The following MAGI2 variants were observed in gnomAD, a reference collection of about 807,000 sequenced individuals.
MAGI2 encodes membrane-associated guanylate kinase, WW and PDZ domain-containing protein 2.
In MAGI2, 35 loss-of-function variants were observed where a neutral mutation model predicts 133.3. The ratio of observed to expected loss-of-function variants is 0.26; its 90% CI spans 0.20 to 0.35. The LOEUF is 0.35. Among genes scored for constraint, MAGI2 ranks in the 10% least tolerant of loss-of-function variants. MAGI2 has a pLI of 1.00. For missense variants in MAGI2, 1,636 were observed against 1,863.4 expected (o/e 0.88, Z 2.25); for synonymous variants, 729 against 710.6 (o/e 1.03, Z -0.41).
intron 2 of MAGI2, among the ~76,000 whole-genome samples, chr7:78,698,789 G>A (rs1269380758): frequency 6.6e-6 from 1 of 152,032 alleles, no homozygotes; most frequent in Non-Finnish European, 1.5e-5. Flanking sequence ...AAAGCGGAGG[G>A]AAAGCCCCTT....
At chr7:78,707,078 G>A (rs1170216069) in intron 2 of MAGI2, among the ~76,000 whole-genome samples, 1 of 152,020 alleles carries the variant, frequency 6.6e-6, no homozygotes, top group African/African-American at 2.4e-5. Context: ...ACCCCCACCT[G>A]TATCTGAATG....
intron 1 of MAGI2, among the ~76,000 whole-genome samples, chr7:79,137,111 G>T (rs1370963492): frequency 6.6e-6 from 1 of 152,058 alleles, no homozygotes; most frequent in East Asian, 1.9e-4. Context: ...CTTGACTGAG[G>T]CTGGGGTGGC....
intron 1 of MAGI2, among the ~76,000 whole-genome samples, chr7:79,376,030 C>CT (rs375533953): frequency 1.1e-4 from 16 of 151,444 alleles, no homozygotes; most frequent in African/African-American, 3.9e-4. Context: ...TAGGAAAAAC[C>CT]TTTTTTCATT....
chr7:78,427,595 C>A (rs1479546601), intron 6 of MAGI2, among the ~76,000 whole-genome samples: 8 of 127,252 alleles, frequency 6.3e-5, no homozygotes, highest in African/African-American at 2.1e-4. Flanking sequence ...CAAAAATAGA[C>A]AAATGTATAA....
At chr7:79,147,598 C>G (rs1250869247) in intron 1 of MAGI2, among the ~76,000 whole-genome samples, 2 of 152,218 alleles carry the variant, frequency 1.3e-5, no homozygotes, top group Non-Finnish European at 2.9e-5. Context: ...ATGTCCACCC[C>G]AGGGCCCAGA....
At chr7:79,283,140 C>A (rs558533300) in intron 1 of MAGI2, among the ~76,000 whole-genome samples, 2 of 152,118 alleles carry the variant, frequency 1.3e-5, no homozygotes, top group South Asian at 4.2e-4. Flanking sequence ...GCCAAGAAAT[C>A]TGTAGGATTA....
intron 1 of MAGI2, among the ~76,000 whole-genome samples, chr7:79,442,801 C>T (rs1403202495): frequency 3.9e-5 from 6 of 151,942 alleles, no homozygotes; most frequent in Non-Finnish European, 7.4e-5. Flanking sequence ...GTAAGATTAC[C>T]GTTATCTATG....
intron 3 of MAGI2, among the ~76,000 whole-genome samples, chr7:78,529,097 T>A (rs565532543): frequency 3.9e-5 from 6 of 152,194 alleles, no homozygotes; most frequent in African/African-American, 1.4e-4. Flanking sequence ...TCCAATGACA[T>A]ACATTCTGAA....
chr7:78,070,210 TATATATATACACACAC>T (rs1488635450), intron 21 of MAGI2, among the ~76,000 whole-genome samples: 14 of 55,422 alleles, frequency 2.5e-4, no homozygotes, highest in African/African-American at 6.1e-4. Flanking sequence ...TATATATATA[TATATATATACACACAC>T]ACACACAGAC....
chr7:78,141,405 A>C (rs1822734443), intron 16 of MAGI2, among the ~76,000 whole-genome samples: 1 of 152,160 alleles, frequency 6.6e-6, no homozygotes, highest in African/African-American at 2.4e-5. Flanking sequence ...TATTGTGACA[A>C]ACCCATTCAG....
chr7:78,046,864 T>G (rs1811489068), intron 21 of MAGI2, among the ~76,000 whole-genome samples: 1 of 152,234 alleles, frequency 6.6e-6, no homozygotes, highest in South Asian at 2.1e-4. Context: ...GATGGTATCA[T>G]AAGTATGCGA....
chr7:78,703,911 T>G (rs975575909), intron 2 of MAGI2, among the ~76,000 whole-genome samples: 1 of 85,872 alleles, frequency 1.2e-5, no homozygotes, highest in Non-Finnish European at 2.3e-5. Flanking sequence ...GAATACCATA[T>G]GTAAAAATCA....
At chr7:79,380,044 C>T (rs1203734288) in intron 1 of MAGI2, among the ~76,000 whole-genome samples, 1 of 151,638 alleles carries the variant, frequency 6.6e-6, no homozygotes, top group Non-Finnish European at 1.5e-5. Context: ...CATAAAAACC[C>T]TAGAAGAAAA....
intron 2 of MAGI2, among the ~76,000 whole-genome samples, chr7:78,934,905 A>G (rs1472414615): frequency 1.3e-5 from 2 of 152,164 alleles, no homozygotes; most frequent in Non-Finnish European, 2.9e-5. Context: ...GGCTTGACTA[A>G]CCACTATATA....
chr7:78,745,188 G>A (rs1272362691), intron 2 of MAGI2, among the ~76,000 whole-genome samples: 6 of 152,092 alleles, frequency 3.9e-5, no homozygotes, highest in Non-Finnish European at 8.8e-5. Context: ...AATCCTATTG[G>A]TTTGTTATTT....
intron 2 of MAGI2, among the ~76,000 whole-genome samples, chr7:78,904,772 G>A (rs964473711): frequency 6.6e-6 from 1 of 152,030 alleles, no homozygotes; most frequent in African/African-American, 2.4e-5. Flanking sequence ...CAAAGTGCTG[G>A]GATTATAGGT....
At chr7:79,158,541 T>C (rs1824044912) in intron 1 of MAGI2, among the ~76,000 whole-genome samples, 1 of 152,086 alleles carries the variant, frequency 6.6e-6, no homozygotes, top group Non-Finnish European at 1.5e-5. Context: ...TACTATAAGA[T>C]TGACCATAAG....
At position 78,994,848 on chromosome 7, in the gene MAGI2, A is replaced by G. The variant is rs372649725; in HGVS notation, c.418+12242T>C. 3.5e-4 allele frequency among the ~76,000 whole-genome samples: 53 copies of G among 152,060 alleles called. 2 individuals are homozygous for G. Among genetic ancestry groups the G allele is most frequent in the African/African-American group, 9.7e-4 (40 of 41,424 alleles). ...TGGTTCACTTTCTTCTTTCCATTCT[A>G]TCCCCATCACCCCCACCCTGATTTG... On this transcript the variant is annotated intron_variant, in intron 2 of 21. Coordinates refer to ENST00000354212, the MANE Select transcript of MAGI2 (RefSeq NM_012301.4).
At chr7:79,040,568 C>T (rs1298379619) in intron 1 of MAGI2, among the ~76,000 whole-genome samples, 1 of 152,106 alleles carries the variant, frequency 6.6e-6, no homozygotes, top group African/African-American at 2.4e-5. Context: ...TGTACCTACA[C>T]AAGTCTCACC....
Sources: gnomAD v4.1 joint callset for allele counts (sites outside exome capture counted in the v4.1 genomes callset) on GRCh38, gnomAD v4.1.1 for gene constraint, MANE v1.5 for transcripts, NCBI Gene and HGNC (gene_info 2026-07-23, HGNC 2026-07-21) for gene names.